Variants in CDK17 observed in about 807,000 individuals in gnomAD.
CDK17 encodes the protein cyclin-dependent kinase 17.
A neutral mutation model predicts 77.6 loss-of-function variants in CDK17; 24 were observed. The ratio of observed to expected loss-of-function variants is 0.31; its 90% CI spans 0.22 to 0.44. CDK17 has a LOEUF of 0.44. Among genes scored for constraint, CDK17 ranks in the 20% least tolerant of loss-of-function variants. The pLI is 1.00. For synonymous variants in CDK17, 203 were observed against 210.4 expected (o/e 0.96, Z 0.30); for missense variants, 429 against 622.5 (o/e 0.69, Z 3.31).
At chr12:96,297,222 C>G (rs1312371013) in intron 9 of CDK17, 48 bp downstream of exon 9, 1 of 1,202,372 alleles carries the variant, frequency 8.3e-7, no homozygotes. Context: ...TAATGGTTCA[C>G]CTATGCTTTA....
intron 1 of CDK17, among the ~76,000 whole-genome samples, chr12:96,383,404 G>GAAGA (rs1555207362): frequency 7.3e-6 from 1 of 137,142 alleles, no homozygotes; most frequent in African/African-American, 2.7e-5. Context: ...AAAATTAGAA[G>GAAGA]AAAAAAAAAA....
chr12:96,307,190 G>A (rs1952586781), intron 5 of CDK17, among the ~76,000 whole-genome samples: 1 of 152,134 alleles, frequency 6.6e-6, no homozygotes, highest in South Asian at 2.1e-4. Flanking sequence ...AGCTACTCGG[G>A]AGGCTGAAGC....
intron 2 of CDK17, among the ~76,000 whole-genome samples, chr12:96,331,682 T>C (rs1229625333): frequency 1.3e-5 from 2 of 152,116 alleles, no homozygotes; most frequent in African/African-American, 4.8e-5. Context: ...TGGATAGAGG[T>C]AGAGCATGCA....
chr12:96,348,355 T>C (rs139138338), intron 1 of CDK17, among the ~76,000 whole-genome samples: 21 of 151,608 alleles, frequency 1.4e-4, no homozygotes, highest in Non-Finnish European at 2.8e-4. Flanking sequence ...TGAAACCCCA[T>C]CTCTACTAAA....
intron 1 of CDK17, among the ~76,000 whole-genome samples, chr12:96,382,226 A>G (rs1455820169): frequency 6.6e-6 from 1 of 152,136 alleles, no homozygotes; most frequent in African/African-American, 2.4e-5. Flanking sequence ...CAACACCTCT[A>G]TGCACACAAA....
intron 1 of CDK17, among the ~76,000 whole-genome samples, chr12:96,350,585 A>C (rs1169486114): frequency 6.6e-6 from 1 of 152,188 alleles, no homozygotes; most frequent in Non-Finnish European, 1.5e-5. Context: ...CTCACACCTG[A>C]TTTTTGACAA....
At chr12:96,377,081 T>C (rs1000317595) in intron 1 of CDK17, among the ~76,000 whole-genome samples, 5 of 152,198 alleles carry the variant, frequency 3.3e-5, no homozygotes, top group Admixed American at 6.5e-5. Context: ...GCCACAACCA[T>C]GCTGATGCAG....
chr12:96,292,927 A>G (rs1952345665), intron 10 of CDK17, among the ~76,000 whole-genome samples: 1 of 152,122 alleles, frequency 6.6e-6, no homozygotes, highest in Non-Finnish European at 1.5e-5. Flanking sequence ...TATTAAGGGA[A>G]CGCCTTTCAG....
intron 1 of CDK17, among the ~76,000 whole-genome samples, chr12:96,392,218 C>A (rs925182724): frequency 1.3e-5 from 2 of 152,116 alleles, no homozygotes; most frequent in Non-Finnish European, 2.9e-5. Flanking sequence ...GAGAAAGAGA[C>A]GTTTGGGCTT....
intron 1 of CDK17, among the ~76,000 whole-genome samples, chr12:96,356,287 A>G (rs2137180563): frequency 6.6e-6 from 1 of 152,328 alleles, no homozygotes; most frequent in South Asian, 2.1e-4. Context: ...GAGCCATGTG[A>G]CAACATATAT....
intron 1 of CDK17, among the ~76,000 whole-genome samples, chr12:96,374,604 T>C (rs1019974215): frequency 5.3e-5 from 8 of 152,366 alleles, no homozygotes; most frequent in Middle Eastern, 6.8e-3. Context: ...CAAATTCTTA[T>C]ACTTCCTTTA....
Position 96,300,297 on chromosome 12 carries a change from T to G in CDK17, c.600+7A>C. 6.4e-7 allele frequency: 1 copy of G among 1,572,428 alleles called. No homozygotes were observed. Among genetic ancestry groups the G allele is most frequent in the African/African-American group, 1.4e-5 (1 of 73,420 alleles). ...ATGTGTCTTACATTTTTGAGATATTTACTTACCTCTCCAAGCTTTTCCAAT... is the reference window on the plus strand; with the variant it reads ...ATGTGTCTTACATTTTTGAGATATTGACTTACCTCTCCAAGCTTTTCCAAT... On this transcript the variant is annotated splice_region_variant and intron_variant, in intron 6 of 16. Transcript: ENST00000261211.
In CDK17 at chr12:96,339,871, G is replaced by C. The variant is rs533721106; in HGVS notation, c.-29-5006C>G. On this transcript the variant is annotated intron_variant, in intron 1 of 16. Coordinates refer to ENST00000261211, the MANE Select transcript of CDK17 (RefSeq NM_002595.5). ...GATCCCAGGGGGCAGAGGTTGCAGT[G>C]AGCTAGGATCGTGTCACTGCACTCC... Among the ~76,000 whole-genome samples the C allele has an allele frequency of 1.1e-3, 171 of 152,152 alleles. 1 individual carries two copies. The Middle Eastern group carries it at 0.017, about 15-fold the overall frequency.
chr12:96,349,313 C>G (rs766216518), intron 1 of CDK17, among the ~76,000 whole-genome samples: 2 of 151,966 alleles, frequency 1.3e-5, no homozygotes, highest in Non-Finnish European at 2.9e-5. Flanking sequence ...ATTAGCCGGG[C>G]ATGGTGGCGC....
intron 3 of CDK17, among the ~76,000 whole-genome samples, chr12:96,322,175 G>A (rs1055532854): frequency 4.6e-5 from 7 of 152,164 alleles, no homozygotes; most frequent in African/African-American, 1.4e-4. Flanking sequence ...AACAATGATG[G>A]CTTGTCAGAA....
chr12:96,300,279 T>G (rs769939688), intron 6 of CDK17, 25 bp downstream of exon 6: 4 of 1,497,198 alleles, frequency 2.7e-6, no homozygotes, highest in Non-Finnish European at 3.7e-6. Flanking sequence ...AAAATGTGTC[T>G]TACATTTTTG....
intron 1 of CDK17, among the ~76,000 whole-genome samples, chr12:96,394,801 A>AAAAAAAAAAAG (rs1320272579): frequency 1.3e-5 from 2 of 150,672 alleles, no homozygotes; most frequent in Non-Finnish European, 3.0e-5. Context: ...TCCGTCTCAA[A>AAAAAAAAAAAG]AAAAAAAAAA....
intron 2 of CDK17, among the ~76,000 whole-genome samples, chr12:96,325,378 T>C (rs1049703072): frequency 6.6e-6 from 1 of 152,244 alleles, no homozygotes; most frequent in African/African-American, 2.4e-5. Context: ...GGGATTCCTC[T>C]ACCTGTTTCT....
chr12:96,327,642 G>A (rs1349031578), intron 2 of CDK17, among the ~76,000 whole-genome samples: 2 of 151,872 alleles, frequency 1.3e-5, no homozygotes, highest in Non-Finnish European at 2.9e-5. Flanking sequence ...CAACCACCTG[G>A]GCTCATGTGG....
Sources: allele counts gnomAD v4.1 joint callset (sites outside exome capture counted in the v4.1 genomes callset), GRCh38; gene constraint gnomAD v4.1.1; transcripts MANE v1.5; gene names NCBI Gene and HGNC (gene_info 2026-07-23, HGNC 2026-07-21).